Variants in TPH1 observed in about 807,000 individuals in gnomAD.
TPH1 encodes tryptophan 5-hydroxylase 1.
Under a neutral mutation model 49.5 loss-of-function variants are expected in TPH1, and 37 were observed. That is an observed-to-expected ratio of 0.75 (90% CI 0.58 to 0.98). The LOEUF is 0.98. TPH1 is among the 50% of genes least tolerant of loss of function. The pLI is 0.00. For synonymous variants in TPH1, 160 were observed against 182.1 expected, an observed-to-expected ratio of 0.88 and a Z score of 0.98; for missense variants, 487 against 523.6, an observed-to-expected ratio of 0.93 and a Z score of 0.68.
chr11:18,035,922 T>G (rs760403529), intron 3 of TPH1, 37 bp downstream of exon 3: 11 of 1,530,670 alleles, frequency 7.2e-6, no homozygotes, highest in Non-Finnish European at 7.2e-6. Flanking sequence ...ATTAGGTGTT[T>G]CATCTTCTAA....
intron 4 of TPH1, among the ~76,000 whole-genome samples, chr11:18,030,748 A>G (rs556891844): frequency 1.3e-5 from 2 of 152,310 alleles, no homozygotes; most frequent in East Asian, 3.9e-4. Flanking sequence ...TAAGACACAA[A>G]AGAAGAGTGG....
chr11:18,045,793 T>TA (rs1340540955), intron 1 of TPH1, among the ~76,000 whole-genome samples: 2 of 152,124 alleles, frequency 1.3e-5, no homozygotes, highest in Non-Finnish European at 2.9e-5. Flanking sequence ...GGAGGCTGTT[T>TA]AAGGGAAGCT....
intron 1 of TPH1, among the ~76,000 whole-genome samples, chr11:18,043,558 C>A (rs956732600): frequency 6.6e-6 from 1 of 151,986 alleles, no homozygotes; most frequent in Non-Finnish European, 1.5e-5. Context: ...GGAGCAAGAT[C>A]GTGTCGCTGC....
At chr11:18,035,549 C>T (rs1396796975) in intron 3 of TPH1, among the ~76,000 whole-genome samples, 1 of 151,844 alleles carries the variant, frequency 6.6e-6, no homozygotes, top group Non-Finnish European at 1.5e-5. Context: ...CCACCTCAGC[C>T]TCCAGAGTAG....
intron 2 of TPH1, among the ~76,000 whole-genome samples, chr11:18,038,436 G>T (rs1047626096): frequency 2.4e-4 from 36 of 152,238 alleles, no homozygotes; most frequent in Admixed American, 2.2e-3. Context: ...AGCACAATAT[G>T]ATTATATAAA....
At chr11:18,035,813 T>C in intron 3 of TPH1, 146 bp downstream of exon 3, 1 of 650,046 alleles carries the variant, frequency 1.5e-6, no homozygotes, top group Non-Finnish European at 2.6e-6. Context: ...CTGGAGCAAC[T>C]ATATTTTGTG....
chr11:18,031,330 T>C (rs775683326), intron 4 of TPH1, among the ~76,000 whole-genome samples: 1 of 152,234 alleles, frequency 6.6e-6, no homozygotes, highest in Non-Finnish European at 1.5e-5. Context: ...AATATTTGCT[T>C]ATATAAATAT....
chr11:18,021,236 A>C (rs775223780), intron 10 of TPH1, 71 bp from the exon 11 acceptor site: 29 of 1,478,648 alleles, frequency 2.0e-5, no homozygotes, highest in Non-Finnish European at 2.7e-5. Context: ...CAAACAACAG[A>C]ATATATTTCA....
chr11:18,045,958 A>G (rs1188112257), intron 1 of TPH1, among the ~76,000 whole-genome samples: 1 of 152,186 alleles, frequency 6.6e-6, no homozygotes, highest in African/African-American at 2.4e-5. Flanking sequence ...GACTCAAGAA[A>G]TATCTACCAG....
At chr11:18,035,641 A>G (rs1848040773) in intron 3 of TPH1, among the ~76,000 whole-genome samples, 1 of 151,974 alleles carries the variant, frequency 6.6e-6, no homozygotes, top group East Asian at 1.9e-4. Flanking sequence ...GTTGCCCAGG[A>G]TGGTCCTGAA....
chr11:18,040,502 G>T, intron 2 of TPH1, 144 bp downstream of exon 2: 1 of 725,614 alleles, frequency 1.4e-6, no homozygotes, highest in Non-Finnish European at 2.1e-6. Context: ...CAGGTAGCTG[G>T]AACTACAGGA....
chr11:18,028,579 AC>A (rs1214208407), intron 6 of TPH1, among the ~76,000 whole-genome samples: 1 of 152,146 alleles, frequency 6.6e-6, no homozygotes, highest in African/African-American at 2.4e-5. Flanking sequence ...TAGGTTAAAC[AC>A]CCTAAGAGTT....
intron 1 of TPH1, among the ~76,000 whole-genome samples, chr11:18,045,611 C>T (rs1007971674): frequency 1.3e-5 from 2 of 152,062 alleles, no homozygotes; most frequent in African/African-American, 4.8e-5. Flanking sequence ...AAATCAAACG[C>T]CAAAGGCAAG....
chr11:18,020,285 G>T lies in TPH1; in HGVS notation c.*706C>A, dbSNP rs527491825. 4 of 153,376 alleles carry T rather than the reference G, an allele frequency of 2.6e-5. No individual in the cohort carries two copies. The highest frequency in any genetic ancestry group is 9.6e-5 in the African/African-American group (4 of 41,530). 9.5% of individuals were successfully genotyped at this position (153,376 alleles called of 1,614,324 possible). On this transcript the variant is annotated 3_prime_UTR_variant, in exon 11 of 11. Transcript: ENST00000682019. ...AAGGAAGATAGTCACTTGGGAAGGGGCTCCCTAATGCCTAAAAAATAAAGT... is the reference window on the plus strand; with the variant it reads ...AAGGAAGATAGTCACTTGGGAAGGGTCTCCCTAATGCCTAAAAAATAAAGT...
chr11:18,023,148 G>A, intron 9 of TPH1: 1 of 522,546 alleles, frequency 1.9e-6, no homozygotes. Flanking sequence ...CCTCTCCATG[G>A]CTTTGTTCTT....
intron 1 of TPH1, among the ~76,000 whole-genome samples, chr11:18,043,558 C>T (rs956732600): frequency 7.9e-5 from 12 of 152,104 alleles, no homozygotes; most frequent in Middle Eastern, 3.4e-3. Flanking sequence ...GGAGCAAGAT[C>T]GTGTCGCTGC....
chr11:18,021,355 C>G (rs765173053), intron 10 of TPH1, among the ~76,000 whole-genome samples, 190 bp from the exon 11 acceptor site: 2 of 152,116 alleles, frequency 1.3e-5, no homozygotes, highest in African/African-American at 2.4e-5. Flanking sequence ...AAGTGGGAAA[C>G]CTGAAGTAGT....
chr11:18,035,056 G>A (rs770928897), intron 3 of TPH1, among the ~76,000 whole-genome samples: 7 of 152,348 alleles, frequency 4.6e-5, no homozygotes, highest in East Asian at 1.9e-4. Flanking sequence ...GCTCCTAGAC[G>A]GAGCTCAGGC....
chr11:18,026,233 T>A (rs1294120571), intron 7 of TPH1, among the ~76,000 whole-genome samples: 1 of 152,138 alleles, frequency 6.6e-6, no homozygotes, highest in African/African-American at 2.4e-5. Context: ...CTGATTTTTT[T>A]CAGTGTTACA....
Sources: gnomAD v4.1 joint callset for allele counts (sites outside exome capture counted in the v4.1 genomes callset) on GRCh38, gnomAD v4.1.1 for gene constraint, MANE v1.5 for transcripts, NCBI Gene and HGNC (gene_info 2026-07-23, HGNC 2026-07-21) for gene names.